NME8: variants seen among roughly 807,000 people sequenced by gnomAD.
NME8 encodes the protein protein NME8.
A neutral mutation model predicts 82.3 loss-of-function variants in NME8; 72 were observed. The observed-to-expected ratio is 0.87, with a 90% CI of 0.72 to 1.06. The LOEUF (loss-of-function observed/expected upper bound fraction) is 1.06. Among genes scored for constraint, NME8 ranks in the 50% least tolerant of loss-of-function variants. The pLI, the probability that NME8 is intolerant of heterozygous loss-of-function variation, is 0.00. For synonymous variants in NME8, 267 were observed against 228.5 expected, an observed-to-expected ratio of 1.17 and a Z score of -1.52; for missense variants, 712 against 685.4, an observed-to-expected ratio of 1.04 and a Z score of -0.43.
intron 10 of NME8, among the ~76,000 whole-genome samples, 165 bp downstream of exon 10, chr7:37,865,782 C>G (rs1255502708): frequency 6.6e-6 from 1 of 152,032 alleles, no homozygotes; most frequent in Non-Finnish European, 1.5e-5. Flanking sequence ...ATGATAGTGG[C>G]TCTGAAAAAA....
intron 11 of NME8, among the ~76,000 whole-genome samples, chr7:37,868,365 G>T (rs1005296539): frequency 6.6e-6 from 1 of 152,170 alleles, no homozygotes; most frequent in Non-Finnish European, 1.5e-5. Flanking sequence ...GTCAGCAAGG[G>T]TTGCACAATG....
intron 9 of NME8, among the ~76,000 whole-genome samples, chr7:37,864,784 A>G (rs1013533284): frequency 8.5e-5 from 13 of 152,180 alleles, no homozygotes; most frequent in Non-Finnish European, 5.9e-5. Context: ...AGGCATCACA[A>G]TCATGGCAGA....
At chr7:37,881,482 C>G (rs1276435904) in intron 12 of NME8, among the ~76,000 whole-genome samples, 1 of 152,004 alleles carries the variant, frequency 6.6e-6, no homozygotes, top group East Asian at 1.9e-4. Context: ...GTTGATCCAC[C>G]CTGGCATACT....
chr7:37,886,574 A>G (rs1008140525), intron 14 of NME8, among the ~76,000 whole-genome samples: 5 of 152,202 alleles, frequency 3.3e-5, no homozygotes, highest in Admixed American at 2.6e-4. Flanking sequence ...TAATTTGCAT[A>G]GAAGAGAAGC....
At chr7:37,874,836 C>T (rs1409257217) in intron 11 of NME8, among the ~76,000 whole-genome samples, 1 of 152,044 alleles carries the variant, frequency 6.6e-6, no homozygotes, top group East Asian at 1.9e-4. Flanking sequence ...AAAATATATA[C>T]ACAGTTTCAT....
Position 37,888,437 on chromosome 7 carries a change from T to C in NME8, c.1399+9T>C. 5 of 1,610,146 alleles carry C rather than the reference T, an allele frequency of 3.1e-6. No homozygotes were observed. Among genetic ancestry groups the C allele is most frequent in the Non-Finnish European group, 4.2e-6 (5 of 1,177,478 alleles). Reference sequence around the variant, plus strand: ...AACAAGTGAACAAAGAGGTAAATATTTAAGAATAAAAGTGAATGTATACAT... The same window carrying C: ...AACAAGTGAACAAAGAGGTAAATATCTAAGAATAAAAGTGAATGTATACAT... On this transcript the variant is annotated intron_variant, in intron 15 of 17. Coordinates refer to ENST00000199447, the MANE Select transcript of NME8 (RefSeq NM_016616.5).
chr7:37,863,514 C>A, intron 8 of NME8, 52 bp downstream of exon 8: 1 of 919,814 alleles, frequency 1.1e-6, no homozygotes, highest in South Asian at 1.3e-5. Flanking sequence ...CGTGGGCGGT[C>A]ATCACAGCAT....
chr7:37,866,443 G>T (rs746442842), intron 10 of NME8, among the ~76,000 whole-genome samples: 2 of 152,094 alleles, frequency 1.3e-5, no homozygotes, highest in Non-Finnish European at 2.9e-5. Flanking sequence ...AACTGTATTC[G>T]CATTAACTGT....
intron 11 of NME8, among the ~76,000 whole-genome samples, chr7:37,873,729 T>G (rs139689482): frequency 1.3e-5 from 2 of 152,352 alleles, no homozygotes; most frequent in East Asian, 3.9e-4. Flanking sequence ...TAGAGCACCA[T>G]GTACAGCACA....
chr7:37,855,365 G>T (rs1784495415), intron 5 of NME8, among the ~76,000 whole-genome samples: 1 of 152,142 alleles, frequency 6.6e-6, no homozygotes, highest in African/African-American at 2.4e-5. Context: ...AAGGATTGGG[G>T]GTTAGCAGTT....
chr7:37,862,183 A>G, intron 7 of NME8, 39 bp downstream of exon 7: 1 of 1,374,592 alleles, frequency 7.3e-7, no homozygotes, highest in Non-Finnish European at 1.0e-6. Flanking sequence ...AGACAAGCTT[A>G]TCATTTAGAG....
chr7:37,899,407 C>G (rs575419881), intron 17 of NME8, among the ~76,000 whole-genome samples: 1 of 152,220 alleles, frequency 6.6e-6, no homozygotes, highest in African/African-American at 2.4e-5. Flanking sequence ...AGCCACTATC[C>G]TCAGCAAACT....
At chr7:37,866,121 T>C (rs1248935108) in intron 10 of NME8, among the ~76,000 whole-genome samples, 1 of 151,980 alleles carries the variant, frequency 6.6e-6, no homozygotes, top group African/African-American at 2.4e-5. Context: ...TATTAGAAAG[T>C]GTACTGGCTT....
At chr7:37,859,247 C>T (rs1784562697) in intron 6 of NME8, among the ~76,000 whole-genome samples, 1 of 152,200 alleles carries the variant, frequency 6.6e-6, no homozygotes, top group Admixed American at 6.6e-5. Flanking sequence ...TCCATGTTCT[C>T]TAATGCCTGC....
chr7:37,867,979 A>G (rs774278026), intron 11 of NME8, 81 bp downstream of exon 11: 2 of 1,137,676 alleles, frequency 1.8e-6, no homozygotes, highest in Non-Finnish European at 2.6e-6. Flanking sequence ...TCAGTACCTA[A>G]GGGCAAATGT....
At chr7:37,886,491 C>T (rs1156886) in intron 14 of NME8, among the ~76,000 whole-genome samples, 149,755 of 152,314 alleles carry the variant, frequency 0.98, 73,666 homozygotes, top group East Asian at 1. Flanking sequence ...AATAACTCTT[C>T]AAATGGAACT....
intron 14 of NME8, among the ~76,000 whole-genome samples, chr7:37,885,699 C>T (rs1441837948): frequency 6.6e-6 from 1 of 152,088 alleles, no homozygotes; most frequent in Non-Finnish European, 1.5e-5. Context: ...TCTTAGAAGT[C>T]AGCTAAACTT....
intron 13 of NME8, 60 bp downstream of exon 13, chr7:37,884,507 T>C: frequency 2.7e-6 from 4 of 1,469,166 alleles, no homozygotes; most frequent in Non-Finnish European, 3.8e-6. Flanking sequence ...AAACTTTCTC[T>C]TAAGTCTGGT....
intron 12 of NME8, among the ~76,000 whole-genome samples, chr7:37,882,643 G>GAAAA (rs796634405): frequency 4.0e-5 from 2 of 49,418 alleles, no homozygotes; most frequent in South Asian, 7.1e-4. Flanking sequence ...AAGAAAGAAA[G>GAAAA]AGAAAGAAAG....
Sources: gnomAD v4.1 joint callset for allele counts (sites outside exome capture counted in the v4.1 genomes callset) on GRCh38, gnomAD v4.1.1 for gene constraint, MANE v1.5 for transcripts, NCBI Gene and HGNC (gene_info 2026-07-23, HGNC 2026-07-21) for gene names.